The following DNAH3 variants were observed in gnomAD, a reference collection of about 807,000 sequenced individuals.
The protein encoded by DNAH3 is axonemal beta dynein heavy chain 3.
A neutral mutation model predicts 432.5 loss-of-function variants in DNAH3; 332 were observed. The ratio of observed to expected loss-of-function variants is 0.77; its 90% CI spans 0.70 to 0.84. The LOEUF (loss-of-function observed/expected upper bound fraction) is 0.84, where lower values mean the gene tolerates loss of function less well. Ranked by LOEUF, DNAH3 falls within the 40% of genes least tolerant of loss-of-function variation. The pLI, the probability that DNAH3 is intolerant of heterozygous loss-of-function variation, is 0.00. For synonymous variants in DNAH3, 1,956 were observed against 1,900.2 expected, an observed-to-expected ratio of 1.03 and a Z score of -0.76; for missense variants, 4,861 against 5,114.0, an observed-to-expected ratio of 0.95 and a Z score of 1.51.
chr16:21,075,512 T>G (rs533879795), exon 21 of DNAH3: 1 of 1,614,012 alleles, frequency 6.2e-7, no homozygotes. Context: ...CTATCCAAGT[T>G]TTTCTCCAGA....
intron 20 of DNAH3, among the ~76,000 whole-genome samples, chr16:21,076,617 G>A (rs553575460): frequency 1.3e-5 from 2 of 152,232 alleles, no homozygotes; most frequent in East Asian, 3.9e-4. Context: ...AGTTTTTCCT[G>A]AAAACAGGAG....
chr16:21,071,611 G>C (rs2090784668), intron 21 of DNAH3, among the ~76,000 whole-genome samples: 1 of 152,068 alleles, frequency 6.6e-6, no homozygotes. Flanking sequence ...ATTTAGGCTG[G>C]ACAAGGTGGC....
intron 21 of DNAH3, among the ~76,000 whole-genome samples, chr16:21,074,524 G>A (rs1486163267): frequency 6.6e-6 from 1 of 151,972 alleles, no homozygotes. Flanking sequence ...GACCAGCCTG[G>A]CCAACATGAT....
intron 1 of DNAH3, among the ~76,000 whole-genome samples, chr16:21,146,318 G>A (rs749383493): frequency 3.3e-5 from 5 of 152,160 alleles, no homozygotes; most frequent in African/African-American, 4.8e-5. Context: ...CAGTTTGAGA[G>A]GCCAGGGAGG....
At chr16:21,069,630 C>T in intron 22 of DNAH3, 36 bp from the exon 23 acceptor site, 2 of 1,568,162 alleles carry the variant, frequency 1.3e-6, no homozygotes, top group East Asian at 2.2e-5. Context: ...GATCATTAAC[C>T]TGCCACTCTG....
chr16:20,949,022 G>A (rs1306754011), intron 56 of DNAH3, among the ~76,000 whole-genome samples: 1 of 152,074 alleles, frequency 6.6e-6, no homozygotes, highest in Non-Finnish European at 1.5e-5. Context: ...AGCCTTTTCA[G>A]CTCCCTTTCC....
chr16:21,148,389 T>C (rs2092812462), intron 1 of DNAH3, among the ~76,000 whole-genome samples: 2 of 152,082 alleles, frequency 1.3e-5, no homozygotes, highest in Non-Finnish European at 2.9e-5. Flanking sequence ...GCCATGTAAT[T>C]GGCCGGCTTG....
chr16:20,933,462 C>T, exon 62 of DNAH3: 1 of 1,612,226 alleles, frequency 6.2e-7, no homozygotes, highest in Admixed American at 1.7e-5. Flanking sequence ...TTGATGTAGG[C>T]CCCATCTTCG....
At chr16:21,106,765 T>C (rs979427889) in intron 14 of DNAH3, 91 bp from the exon 15 acceptor site, 11 of 1,131,784 alleles carry the variant, frequency 9.7e-6, no homozygotes, top group Non-Finnish European at 9.5e-6. Flanking sequence ...ATGTTCAAAA[T>C]ACATAATTCC....
chr16:21,117,117 A>G, intron 12 of DNAH3, 86 bp downstream of exon 12: 1 of 858,248 alleles, frequency 1.2e-6, no homozygotes, highest in Non-Finnish European at 1.8e-6. Flanking sequence ...GTGTTTGGGA[A>G]CAGGAATACC....
intron 50 of DNAH3, among the ~76,000 whole-genome samples, chr16:20,977,051 C>T (rs748303192): frequency 3.9e-5 from 6 of 152,184 alleles, no homozygotes; most frequent in Non-Finnish European, 7.4e-5. Flanking sequence ...CGCACCACCT[C>T]TCATGAGGGT....
In DNAH3 at chr16:21,081,622, G is replaced by A. The variant is rs2091189175; in HGVS notation, c.2969+14C>T. On this transcript the variant is annotated intron_variant, in intron 20 of 61. Transcript: ENST00000261383. ...TGACCAAAACCTTATCTGAAGGAGG[G>A]GATAAGCCCTTACTTTTCAACGAAT... 1 of 1,607,004 alleles carries A rather than the reference G, an allele frequency of 6.2e-7. No homozygotes were observed. Among genetic ancestry groups the A allele is most frequent in the Non-Finnish European group, 8.5e-7 (1 of 1,174,046 alleles).
intron 58 of DNAH3, 28 bp downstream of exon 58, chr16:20,944,468 T>C: frequency 6.2e-7 from 1 of 1,612,554 alleles, no homozygotes; most frequent in Non-Finnish European, 8.5e-7. Context: ...GGAAATAGGA[T>C]TAAGCCCCCT....
rs861424 is a variant in DNAH3 at position 21,067,372 on chromosome 16, T to A, written c.3429A>T (p.Ala1143=). 6,094 of 1,613,756 alleles carry A rather than the reference T, an allele frequency of 3.8e-3. 211 individuals are homozygous for A. The African/African-American group carries it at 0.07, about 19-fold the overall frequency. Residue 1143 remains alanine, a synonymous_variant, in exon 24 of 62, where the codon GCA becomes GCT. Transcript: ENST00000261383. ...GAAAGTTGGCTTCTTGAAGCTTCTC[T>A]GCCATCCGTGGCTGGTCGGCTGCCA...
intron 29 of DNAH3, among the ~76,000 whole-genome samples, chr16:21,050,995 G>A (rs548914353): frequency 7.2e-5 from 11 of 151,958 alleles, no homozygotes; most frequent in Non-Finnish European, 1.6e-4. Flanking sequence ...ATGGTGCACA[G>A]GAAACCTCAA....
At chr16:21,152,695 C>T (rs1170944188) in intron 1 of DNAH3, among the ~76,000 whole-genome samples, 2 of 152,226 alleles carry the variant, frequency 1.3e-5, no homozygotes, top group Non-Finnish European at 2.9e-5. Flanking sequence ...CTGGGAGCAG[C>T]CAGCTGGCCC....
intron 7 of DNAH3, 78 bp from the exon 9 acceptor site, chr16:21,127,890 T>C (rs943047701): frequency 6.5e-7 from 1 of 1,532,080 alleles, no homozygotes; most frequent in African/African-American, 1.4e-5. Context: ...TCCAAGGGTG[T>C]GTGTTCACGT....
chr16:21,150,496 C>T lies in DNAH3; in HGVS notation c.118-4408G>A, dbSNP rs376528033. 2.6e-4 allele frequency: 83 copies of T among 314,822 alleles called. 1 individual carries two copies. In the East Asian group the frequency reaches 6.5e-3, roughly 25 times the overall value. The allele number at this position is 314,822 out of a possible 1,614,324, so 19.5% of individuals were successfully genotyped here. On this transcript the variant is annotated intron_variant, in intron 1 of 61. Coordinates refer to ENST00000261383, the Ensembl canonical transcript of DNAH3. ...CTGAAAGCTCTGTTCATGAGGTTGC[C>T]TCTCTGAGGTCATAGACTTTGGCCC...
chr16:21,037,964 C>A, exon 34 of DNAH3: 1 of 1,613,956 alleles, frequency 6.2e-7, no homozygotes, highest in Non-Finnish European at 8.5e-7. Flanking sequence ...TAGGTCGCAA[C>A]GATCTTCTGG....
Sources: allele counts gnomAD v4.1 joint callset (sites outside exome capture counted in the v4.1 genomes callset), GRCh38; gene constraint gnomAD v4.1.1; transcripts MANE v1.5; gene names NCBI Gene and HGNC (gene_info 2026-07-23, HGNC 2026-07-21).